Variants in SETBP1 observed in about 807,000 individuals in gnomAD.
SETBP1 encodes SET-binding protein.
Under a neutral mutation model 101.0 loss-of-function variants are expected in SETBP1, and 9 were observed. The observed-to-expected ratio is 0.09, with a 90% confidence interval of 0.05 to 0.16. The LOEUF is 0.16. Ranked by LOEUF, SETBP1 falls within the 10% of genes least tolerant of loss-of-function variation. The pLI is 1.00. For synonymous variants in SETBP1, 818 were observed against 788.5 expected (o/e 1.04, Z -0.63); for missense variants, 1,858 against 2,033.8 (o/e 0.91, Z 1.66).
chr18:44,736,014 T>C (rs1394138099), intron 2 of SETBP1, among the ~76,000 whole-genome samples: 1 of 152,194 alleles, frequency 6.6e-6, no homozygotes, highest in African/African-American at 2.4e-5. Context: ...CTTAGAATCA[T>C]GAAGAACATT....
intron 4 of SETBP1, among the ~76,000 whole-genome samples, chr18:44,964,790 C>T (rs2145166221): frequency 6.6e-6 from 1 of 152,204 alleles, no homozygotes; most frequent in South Asian, 2.1e-4. Flanking sequence ...AACTCATGCT[C>T]CCCCCAGGCC....
intron 4 of SETBP1, chr18:44,986,208 A>C (rs1233277573): frequency 2.0e-5 from 3 of 152,220 alleles, no homozygotes; most frequent in Non-Finnish European, 2.9e-5. Flanking sequence ...TGAATACTGT[A>C]GATAACTGTA....
At chr18:44,759,929 T>G (rs896911402) in intron 2 of SETBP1, among the ~76,000 whole-genome samples, 2 of 152,172 alleles carry the variant, frequency 1.3e-5, no homozygotes, top group African/African-American at 4.8e-5. Context: ...CAAGAGGTGA[T>G]TTTTAGGTAT....
intron 2 of SETBP1, among the ~76,000 whole-genome samples, chr18:44,718,658 T>C (rs2069518984): frequency 1.3e-5 from 2 of 152,208 alleles, no homozygotes; most frequent in Non-Finnish European, 2.9e-5. Context: ...TATGGAGATG[T>C]AAGTGGGTAT....
chr18:44,898,401 A>G (rs570742930), intron 3 of SETBP1, among the ~76,000 whole-genome samples: 65 of 152,222 alleles, frequency 4.3e-4, no homozygotes, highest in Non-Finnish European at 8.8e-4. Flanking sequence ...ATAGATGGAT[A>G]GACAAATTTT....
intron 5 of SETBP1, among the ~76,000 whole-genome samples, chr18:45,049,229 A>G (rs2073680573): frequency 6.6e-6 from 1 of 152,192 alleles, no homozygotes; most frequent in Non-Finnish European, 1.5e-5. Flanking sequence ...ACTTCTAAAG[A>G]TAAACTGAAT....
chr18:44,840,641 A>G (rs1453702866), intron 2 of SETBP1, among the ~76,000 whole-genome samples: 1 of 152,210 alleles, frequency 6.6e-6, no homozygotes, highest in African/African-American at 2.4e-5. Context: ...AGGCATCTGG[A>G]GTAATGAGAG....
chr18:45,050,818 G>T (rs778765632), intron 5 of SETBP1, among the ~76,000 whole-genome samples: 3 of 152,200 alleles, frequency 2.0e-5, no homozygotes, highest in African/African-American at 7.2e-5. Flanking sequence ...CTCTAAGCAG[G>T]CTTCCTGGAG....
In SETBP1 at chr18:44,826,209, G is replaced by A. The variant is rs562703030; in HGVS notation, c.487-43021G>A. Among the ~76,000 whole-genome samples the A allele has an allele frequency of 2.0e-5, 3 of 152,296 alleles. No individual in the cohort carries two copies. In the South Asian group the frequency reaches 6.2e-4, roughly 32 times the overall value. On this transcript the variant is annotated intron_variant, in intron 2 of 5. Coordinates refer to ENST00000649279, the MANE Select transcript of SETBP1 (RefSeq NM_015559.3). The stretch of plus-strand genomic sequence containing the variant: ...GGTCCTTTGGAGGTTCACTGTGGTT[G>A]CCTTTCTCATTCATTGGGGCAAAGA...
intron 3 of SETBP1, among the ~76,000 whole-genome samples, chr18:44,910,330 T>A (rs2070277296): frequency 6.6e-6 from 1 of 152,204 alleles, no homozygotes; most frequent in Non-Finnish European, 1.5e-5. Flanking sequence ...AGCGGAGGGA[T>A]GACCAGGTAA....
At chr18:45,013,412 C>CTCTTTCTT (rs113573331) in intron 4 of SETBP1, among the ~76,000 whole-genome samples, 1 of 151,494 alleles carries the variant, frequency 6.6e-6, no homozygotes, top group African/African-American at 2.4e-5. Flanking sequence ...CTGTTTCTGA[C>CTCTTTCTT]TCTTTCTTTC....
At chr18:44,759,015 C>G (rs1258241793) in intron 2 of SETBP1, among the ~76,000 whole-genome samples, 1 of 152,236 alleles carries the variant, frequency 6.6e-6, no homozygotes, top group African/African-American at 2.4e-5. Flanking sequence ...ACTAGTCTCT[C>G]TAAATAACAC....
At chr18:44,826,355 C>T (rs2072237589) in intron 2 of SETBP1, among the ~76,000 whole-genome samples, 1 of 152,124 alleles carries the variant, frequency 6.6e-6, no homozygotes, top group Non-Finnish European at 1.5e-5. Flanking sequence ...GCATTCAGCT[C>T]TTTGGTGGCT....
intron 4 of SETBP1, among the ~76,000 whole-genome samples, chr18:45,032,076 G>A (rs924389745): frequency 1.3e-5 from 2 of 152,054 alleles, no homozygotes; most frequent in African/African-American, 4.8e-5. Flanking sequence ...TTTTAATATT[G>A]AGAGTTCTGT....
chr18:44,686,903 A>G (rs2068849428), intron 1 of SETBP1, among the ~76,000 whole-genome samples: 1 of 152,200 alleles, frequency 6.6e-6, no homozygotes, highest in Non-Finnish European at 1.5e-5. Flanking sequence ...ATCATCAAAT[A>G]TTTGTTAATA....
intron 4 of SETBP1, among the ~76,000 whole-genome samples, chr18:45,009,254 T>C (rs1251302965): frequency 1.3e-5 from 2 of 151,704 alleles, no homozygotes; most frequent in African/African-American, 4.8e-5. Flanking sequence ...CAGCAGGTGC[T>C]GGCTGCCAGG....
intron 1 of SETBP1, among the ~76,000 whole-genome samples, chr18:44,682,122 C>T (rs963470727): frequency 6.6e-6 from 1 of 152,110 alleles, no homozygotes; most frequent in African/African-American, 2.4e-5. Flanking sequence ...AAACTAATTT[C>T]TTGAAGTCTC....
At chr18:44,722,893 T>C (rs919919139) in intron 2 of SETBP1, among the ~76,000 whole-genome samples, 9 of 152,240 alleles carry the variant, frequency 5.9e-5, no homozygotes, top group African/African-American at 2.2e-4. Context: ...ATCATCACAA[T>C]ATCCTATGGG....
chr18:44,768,090 A>T (rs1302667355), intron 2 of SETBP1, among the ~76,000 whole-genome samples: 1 of 152,226 alleles, frequency 6.6e-6, no homozygotes, highest in African/African-American at 2.4e-5. Flanking sequence ...GTGTCTCTGT[A>T]TAGGAGCACA....
Sources: allele counts gnomAD v4.1 joint callset (sites outside exome capture counted in the v4.1 genomes callset), GRCh38; gene constraint gnomAD v4.1.1; transcripts MANE v1.5; gene names NCBI Gene and HGNC (gene_info 2026-07-23, HGNC 2026-07-21).